NCAPD3: variants seen among roughly 807,000 people sequenced by gnomAD.
NCAPD3 encodes the protein condensin-2 complex subunit D3.
A neutral mutation model predicts 182.9 loss-of-function variants in NCAPD3; 105 were observed. The ratio of observed to expected loss-of-function variants is 0.57; its 90% CI spans 0.49 to 0.68. The LOEUF is 0.68. Among genes scored for constraint, NCAPD3 ranks in the 30% least tolerant of loss-of-function variants. The probability of loss-of-function intolerance (pLI) is 0.00; values close to 1 mark genes in which losing one functional copy is unlikely to be tolerated. For synonymous variants in NCAPD3, 815 were observed against 679.9 expected, an observed-to-expected ratio of 1.20 and a Z score of -3.09; for missense variants, 1,944 against 1,837.0, an observed-to-expected ratio of 1.06 and a Z score of -1.07.
upstream of NCAPD3, chr11:134,224,178 G>A: frequency 1.7e-6 from 1 of 588,892 alleles, no homozygotes. Flanking sequence ...TCGAGAAGGA[G>A]CCAGGGCCTG....
upstream of NCAPD3, chr11:134,225,042 C>T: frequency 7.1e-7 from 1 of 1,401,264 alleles, no homozygotes; most frequent in Non-Finnish European, 9.5e-7. Flanking sequence ...ATCGGGCCCT[C>T]TGGCCTTCTT....
rs894848670 is a variant in NCAPD3 at position 134,223,284 on chromosome 11, G to A, written c.64+579C>T. The A allele has an allele frequency of 7.8e-5, 48 of 616,906 alleles. No homozygotes were observed. The South Asian group carries it at 8.3e-4, about 11-fold the overall frequency. The allele number at this position is 616,906 out of a possible 1,614,324, so 38.2% of individuals were successfully genotyped here. ...TGCAATTGCTCGAGGCTATGATGAA[G>A]GCAGCAGCATCAGGAATGGAGCGGG... On this transcript the variant is annotated intron_variant, in intron 1 of 34. Transcript: ENST00000534548.
upstream of NCAPD3, chr11:134,224,968 G>T: frequency 2.0e-6 from 1 of 490,652 alleles, no homozygotes; most frequent in Non-Finnish European, 3.0e-6. Context: ...CTGTCCGTCG[G>T]CGCCCACTGC....
At chr11:134,224,244 T>C (rs1938364635), upstream of NCAPD3, 6 of 498,718 alleles carry the variant, frequency 1.2e-5, no homozygotes, top group Non-Finnish European at 2.2e-5. Flanking sequence ...GGGGAAAATC[T>C]AAAGGGTATC....
chr11:134,165,167 G>A (rs886653302), intron 27 of NCAPD3, among the ~76,000 whole-genome samples: 4 of 151,098 alleles, frequency 2.6e-5, no homozygotes, highest in African/African-American at 7.3e-5. Context: ...GATGAGCTGA[G>A]GAGGAGCTGC....
rs969666108 is a variant in NCAPD3 at position 134,150,638 on chromosome 11, C to G, written c.*2306G>C. 2 of 150,748 alleles carry G rather than the reference C, an allele frequency of 1.3e-5. No individual in the cohort carries two copies. Among genetic ancestry groups the G allele is most frequent in the Non-Finnish European group, 2.9e-5 (2 of 67,892 alleles). The allele number at this position is 150,748 out of a possible 1,614,324, so 9.3% of individuals were successfully genotyped here. On this transcript the variant is annotated 3_prime_UTR_variant, in exon 35 of 35. Coordinates refer to ENST00000534548, the MANE Select transcript of NCAPD3 (RefSeq NM_015261.3). ...GGCTCACAAAATAGGGCCCCCAATG[C>G]TATTTTTTTTTTTTAAGTTTGTTTA...
At chr11:134,177,527 G>T (rs1944199404) in intron 22 of NCAPD3, 70 bp from the exon 23 acceptor site, 3 of 1,376,020 alleles carry the variant, frequency 2.2e-6, no homozygotes, top group Non-Finnish European at 3.0e-6. Context: ...ATTTTCTCCA[G>T]ATACATCTTG....
intron 16 of NCAPD3, among the ~76,000 whole-genome samples, chr11:134,187,562 C>T (rs1341083754): frequency 6.6e-6 from 1 of 152,190 alleles, no homozygotes; most frequent in African/African-American, 2.4e-5. Context: ...TTTTGCATGA[C>T]TATTTCCTTT....
At chr11:134,175,300 C>T (rs1020882247) in intron 24 of NCAPD3, among the ~76,000 whole-genome samples, 4 of 152,146 alleles carry the variant, frequency 2.6e-5, no homozygotes, top group Non-Finnish European at 4.4e-5. Flanking sequence ...TCCTGGGCCA[C>T]GTACTGCGTA....
chr11:134,179,118 T>C (rs1326239632), intron 20 of NCAPD3, among the ~76,000 whole-genome samples, 182 bp from the exon 21 acceptor site: 1 of 152,194 alleles, frequency 6.6e-6, no homozygotes, highest in East Asian at 1.9e-4. Context: ...ATGAAACTCA[T>C]CCAAAATTAG....
At chr11:134,200,368 T>C (rs1944724290) in intron 13 of NCAPD3, among the ~76,000 whole-genome samples, 1 of 152,078 alleles carries the variant, frequency 6.6e-6, no homozygotes, top group African/African-American at 2.4e-5. Context: ...TAAAAATAAC[T>C]CTTTCAACTC....
chr11:134,172,080 A>G (rs1363558435), intron 24 of NCAPD3, among the ~76,000 whole-genome samples: 3 of 152,170 alleles, frequency 2.0e-5, no homozygotes, highest in East Asian at 3.9e-4. Flanking sequence ...ACTGGAAGAC[A>G]GCTGGAAGTG....
intron 24 of NCAPD3, 75 bp downstream of exon 24, chr11:134,176,231 TG>T (rs1944160646): frequency 4.4e-6 from 6 of 1,369,898 alleles, no homozygotes; most frequent in Non-Finnish European, 6.2e-6. Context: ...TAAACCAATC[TG>T]AAAAAAAAAG....
chr11:134,191,458 A>C (rs1944522116), intron 16 of NCAPD3, among the ~76,000 whole-genome samples: 1 of 152,142 alleles, frequency 6.6e-6, no homozygotes, highest in African/African-American at 2.4e-5. Context: ...ATATTTACTG[A>C]CCTTATGGTT....
intron 19 of NCAPD3, among the ~76,000 whole-genome samples, chr11:134,183,618 G>A (rs542991164): frequency 6.6e-6 from 1 of 152,222 alleles, no homozygotes; most frequent in Non-Finnish European, 1.5e-5. Flanking sequence ...TTGAGATAAA[G>A]GGTTAGAAAA....
At position 134,194,148 on chromosome 11, in the gene NCAPD3, T is replaced by C. The variant is rs1565545454; in HGVS notation, c.1692A>G (p.Val564=). The change falls in exon 15 of 35, where the codon GTA becomes GTG. Residue 564 remains valine (V), a splice_region_variant and synonymous_variant. Coordinates refer to ENST00000534548, the MANE Select transcript of NCAPD3 (RefSeq NM_015261.3). Reference sequence around the variant, plus strand: ...CACAGTGTTTCAAAATACTCACTAATACCTAGAAGGCATAGACGCAACATG... The same window carrying C: ...CACAGTGTTTCAAAATACTCACTAACACCTAGAAGGCATAGACGCAACATG... ...KTNVRKSALQ[V]LVSILKHCDV... The C allele has an allele frequency of 6.2e-7, 1 of 1,613,860 alleles. No homozygotes were observed. Among genetic ancestry groups the C allele is most frequent in the Non-Finnish European group, 8.5e-7 (1 of 1,179,870 alleles).
chr11:134,183,678 A>T (rs961145962), intron 19 of NCAPD3, among the ~76,000 whole-genome samples: 1 of 152,254 alleles, frequency 6.6e-6, no homozygotes, highest in Non-Finnish European at 1.5e-5. Flanking sequence ...TTAAAGATAG[A>T]TACCAGAAAA....
At chr11:134,183,121 G>A (rs533978896) in intron 19 of NCAPD3, 22 of 456,162 alleles carry the variant, frequency 4.8e-5, no homozygotes, top group Non-Finnish European at 7.9e-5. Context: ...CCCTGACTGC[G>A]CGCTGTACAC....
chr11:134,213,628 T>A (rs577940141), intron 3 of NCAPD3, among the ~76,000 whole-genome samples: 2,364 of 133,320 alleles, frequency 0.018, 56 homozygotes, highest in African/African-American at 0.059. Flanking sequence ...TCGTCTCTCT[T>A]AAAAAAAAAA....
Sources: gnomAD v4.1 joint callset for allele counts (sites outside exome capture counted in the v4.1 genomes callset) on GRCh38, gnomAD v4.1.1 for gene constraint, MANE v1.5 for transcripts, NCBI Gene and HGNC (gene_info 2026-07-23, HGNC 2026-07-21) for gene names.